Variants in MACROD2 observed in about 807,000 individuals in gnomAD.
MACROD2 encodes the protein ADP-ribose glycohydrolase MACROD2.
In MACROD2, 36 loss-of-function variants were observed where a neutral mutation model predicts 70.4. The ratio of observed to expected loss-of-function variants is 0.51; its 90% CI spans 0.39 to 0.68. The LOEUF (loss-of-function observed/expected upper bound fraction) is 0.68. MACROD2 is among the 30% of genes least tolerant of loss of function. The probability of loss-of-function intolerance (pLI) is 0.00; values close to 1 mark genes in which losing one functional copy is unlikely to be tolerated. For synonymous variants in MACROD2, 172 were observed against 178.8 expected (o/e 0.96, Z 0.30); for missense variants, 496 against 538.4 (o/e 0.92, Z 0.78).
chr20:15,480,159 C>T lies in MACROD2; in HGVS notation c.572-19615C>T, dbSNP rs141871162. ...CTAGTGCATATTCATGGAGAGTGAA[C>T]GATGAGCTTGTGAAACATGTGAGAT... On this transcript the variant is annotated intron_variant, in intron 7 of 17. Transcript: ENST00000684519. Among the ~76,000 whole-genome samples the T allele has an allele frequency of 1.4e-3, 220 of 152,202 alleles. 1 individual carries two copies. Among genetic ancestry groups the T allele is most frequent in the African/African-American group, 4.8e-3 (201 of 41,520 alleles).
chr20:14,347,718 G>T (rs1447205473), intron 3 of MACROD2, among the ~76,000 whole-genome samples: 1 of 152,080 alleles, frequency 6.6e-6, no homozygotes, highest in African/African-American at 2.4e-5. Flanking sequence ...CTAAGAAAGG[G>T]TCCCCTCTAC....
chr20:14,594,617 G>A (rs2123386888), intron 4 of MACROD2, among the ~76,000 whole-genome samples: 1 of 152,330 alleles, frequency 6.6e-6, no homozygotes, highest in East Asian at 1.9e-4. Context: ...AAGAAGACTG[G>A]GCGCGGTGGC....
At chr20:15,324,205 G>A (rs1024074775) in intron 6 of MACROD2, among the ~76,000 whole-genome samples, 1 of 151,868 alleles carries the variant, frequency 6.6e-6, no homozygotes, top group Non-Finnish European at 1.5e-5. Flanking sequence ...ATTTAAAAAG[G>A]GTTCAATTTT....
intron 8 of MACROD2, among the ~76,000 whole-genome samples, chr20:15,846,219 C>T (rs1195367007): frequency 6.6e-6 from 1 of 152,154 alleles, no homozygotes; most frequent in African/African-American, 2.4e-5. Flanking sequence ...TCAGGCTATC[C>T]TCCATGAACT....
At position 14,818,952 on chromosome 20, in the gene MACROD2, G is replaced by A. The variant is rs961592242; in HGVS notation, c.418+133993G>A. Among the ~76,000 whole-genome samples, 8 of 150,230 alleles carry A rather than the reference G, an allele frequency of 5.3e-5. 1 individual carries two copies. Among genetic ancestry groups the A allele is most frequent in the Non-Finnish European group, 8.9e-5 (6 of 67,678 alleles). Reference sequence around the variant, plus strand: ...TATTAACAAAACCGAAGTTCAGAGAGGTTAATTAACTTGTCTAAAATCACA... The same window carrying A: ...TATTAACAAAACCGAAGTTCAGAGAAGTTAATTAACTTGTCTAAAATCACA... On this transcript the variant is annotated intron_variant, in intron 5 of 17. Transcript: ENST00000684519.
At chr20:14,013,283 T>C (rs1465722118) in intron 2 of MACROD2, among the ~76,000 whole-genome samples, 2 of 151,124 alleles carry the variant, frequency 1.3e-5, no homozygotes, top group African/African-American at 2.4e-5. Context: ...CTTTTTTTTT[T>C]TTTTTTTGAG....
intron 3 of MACROD2, among the ~76,000 whole-genome samples, chr20:14,278,564 T>C (rs1342070781): frequency 6.6e-6 from 1 of 152,192 alleles, no homozygotes; most frequent in African/African-American, 2.4e-5. Context: ...CTTAAACTAA[T>C]TGGTTGTGCG....
chr20:14,036,203 C>T (rs866182719), intron 2 of MACROD2, among the ~76,000 whole-genome samples: 8 of 152,122 alleles, frequency 5.3e-5, no homozygotes, highest in African/African-American at 1.4e-4. Flanking sequence ...CGATTTCTGC[C>T]TTTTTGAATT....
intron 4 of MACROD2, among the ~76,000 whole-genome samples, chr20:14,646,520 A>T (rs1179159843): frequency 6.6e-6 from 1 of 152,110 alleles, no homozygotes; most frequent in Non-Finnish European, 1.5e-5. Context: ...GTTATATATA[A>T]ACGTCAGTCA....
chr20:15,008,161 T>G (rs1379036719), intron 5 of MACROD2, among the ~76,000 whole-genome samples: 1 of 152,202 alleles, frequency 6.6e-6, no homozygotes, highest in Non-Finnish European at 1.5e-5. Context: ...TACTGACCAA[T>G]TATAAGATTA....
chr20:14,330,299 G>T (rs113819983), intron 3 of MACROD2, among the ~76,000 whole-genome samples: 4 of 151,970 alleles, frequency 2.6e-5, no homozygotes, highest in African/African-American at 9.7e-5. Flanking sequence ...TAGAGGAGGT[G>T]AGTAATATTC....
chr20:15,277,495 T>C (rs2077404111), intron 6 of MACROD2, among the ~76,000 whole-genome samples: 1 of 152,252 alleles, frequency 6.6e-6, no homozygotes, highest in African/African-American at 2.4e-5. Flanking sequence ...TGCTATAACC[T>C]GCACCAGTGT....
chr20:15,692,795 A>C (rs1320396717), intron 8 of MACROD2, among the ~76,000 whole-genome samples: 1 of 152,142 alleles, frequency 6.6e-6, no homozygotes, highest in Admixed American at 6.5e-5. Flanking sequence ...AGGCCATTGC[A>C]TATATTAGCT....
chr20:14,486,574 C>T (rs1045828001), intron 3 of MACROD2, among the ~76,000 whole-genome samples: 4 of 129,456 alleles, frequency 3.1e-5, no homozygotes, highest in South Asian at 2.5e-4. Flanking sequence ...GGCTGGAGTG[C>T]AGTGGCGTGA....
intron 5 of MACROD2, among the ~76,000 whole-genome samples, chr20:15,214,863 A>G (rs1364758574): frequency 6.6e-6 from 1 of 152,194 alleles, no homozygotes; most frequent in African/African-American, 2.4e-5. Flanking sequence ...AACACTACTC[A>G]GTAAGGATGC....
At chr20:14,441,824 TATC>T (rs1485999448) in intron 3 of MACROD2, among the ~76,000 whole-genome samples, 1 of 151,572 alleles carries the variant, frequency 6.6e-6, no homozygotes, top group African/African-American at 2.4e-5. Context: ...TTATTCTAGT[TATC>T]ATTATCACTG....
intron 5 of MACROD2, among the ~76,000 whole-genome samples, chr20:14,695,635 T>C (rs2071116076): frequency 6.6e-6 from 1 of 152,186 alleles, no homozygotes; most frequent in Non-Finnish European, 1.5e-5. Context: ...CTGGAGAGGC[T>C]TGTATGCTGA....
chr20:15,777,406 A>G (rs551691610), intron 8 of MACROD2, among the ~76,000 whole-genome samples: 46 of 149,460 alleles, frequency 3.1e-4, no homozygotes, highest in Non-Finnish European at 5.8e-4. Context: ...CAACTGTCCT[A>G]TTTTCTGCAT....
chr20:15,554,671 C>T (rs995359118), intron 8 of MACROD2, among the ~76,000 whole-genome samples: 1 of 152,052 alleles, frequency 6.6e-6, no homozygotes, highest in African/African-American at 2.4e-5. Flanking sequence ...GATTATGGCC[C>T]TTTAGGTGCA....
Sources: allele counts gnomAD v4.1 joint callset (sites outside exome capture counted in the v4.1 genomes callset), GRCh38; gene constraint gnomAD v4.1.1; transcripts MANE v1.5; gene names NCBI Gene and HGNC (gene_info 2026-07-23, HGNC 2026-07-21).